AUTS2: variants seen among roughly 807,000 people sequenced by gnomAD.
The protein encoded by AUTS2 is activator of transcription and developmental regulator AUTS2.
AUTS2 carries 17 observed loss-of-function variants against 112.4 expected under a neutral mutation model. The observed-to-expected ratio is 0.15, with a 90% CI of 0.10 to 0.23. AUTS2 has a LOEUF of 0.23. Ranked by LOEUF, AUTS2 falls within the 10% of genes least tolerant of loss-of-function variation. The pLI, the probability that AUTS2 is intolerant of heterozygous loss-of-function variation, is 1.00. For synonymous variants in AUTS2, 751 were observed against 702.7 expected (o/e 1.07, Z -1.09); for missense variants, 1,510 against 1,701.6 (o/e 0.89, Z 1.98).
At chr7:70,369,236 T>C (rs1562915598) in intron 4 of AUTS2, among the ~76,000 whole-genome samples, 1 of 152,310 alleles carries the variant, frequency 6.6e-6, no homozygotes, top group East Asian at 1.9e-4. Flanking sequence ...TTCCCTTTTA[T>C]CAGTCATTCT....
chr7:69,857,044 G>A (rs1418470290), intron 1 of AUTS2, among the ~76,000 whole-genome samples: 1 of 152,194 alleles, frequency 6.6e-6, no homozygotes, highest in Non-Finnish European at 1.5e-5. Flanking sequence ...TGTTAAATCA[G>A]TATAATGAGA....
intron 1 of AUTS2, among the ~76,000 whole-genome samples, chr7:69,821,716 C>T (rs995657572): frequency 2.6e-5 from 4 of 151,916 alleles, no homozygotes; most frequent in East Asian, 3.9e-4. Flanking sequence ...AGAGCTGTAA[C>T]ATTCACCTTG....
chr7:69,834,614 C>T (rs937590520), intron 1 of AUTS2, among the ~76,000 whole-genome samples: 1 of 152,222 alleles, frequency 6.6e-6, no homozygotes, highest in Non-Finnish European at 1.5e-5. Flanking sequence ...TTCTCTGCCA[C>T]CACTGCAGAA....
At chr7:70,637,006 C>T (rs1805568620) in intron 5 of AUTS2, among the ~76,000 whole-genome samples, 1 of 152,160 alleles carries the variant, frequency 6.6e-6, no homozygotes, top group Non-Finnish European at 1.5e-5. Context: ...TTATCGAACA[C>T]CTGCCAGTTT....
intron 4 of AUTS2, among the ~76,000 whole-genome samples, chr7:70,377,325 A>AATAAATATATATAT (rs1793136400): frequency 9.6e-5 from 5 of 52,060 alleles, no homozygotes; most frequent in Admixed American, 2.5e-4. Context: ...AACAAATATA[A>AATAAATATATATAT]ATATATATAT....
rs144224299 is a variant in AUTS2, at chr7:69,869,078, T to C, written c.310-30208T>C. Among the ~76,000 whole-genome samples the C allele has an allele frequency of 7.2e-3, 1,093 of 152,328 alleles. 6 individuals carry two copies. The highest frequency in any genetic ancestry group is 0.012 in the Non-Finnish European group (839 of 68,014). ...ACCGTTGACCTGTGAGTTTGAAGTA[T>C]TGCACTGTTAATGTTTGGGCAGGAT... On this transcript the variant is annotated intron_variant, in intron 1 of 18. Transcript: ENST00000342771.
intron 4 of AUTS2, among the ~76,000 whole-genome samples, chr7:70,210,191 A>G (rs10248606): frequency 0.08 from 12,212 of 152,210 alleles, 634 homozygotes; most frequent in African/African-American, 0.13. Context: ...TCCTTCTTCT[A>G]CATGCAGATG....
At chr7:70,404,760 A>G (rs1794463950) in intron 4 of AUTS2, among the ~76,000 whole-genome samples, 2 of 152,224 alleles carry the variant, frequency 1.3e-5, no homozygotes, top group African/African-American at 4.8e-5. Context: ...ATATTGCTAC[A>G]GCAATATGGC....
At chr7:70,217,034 C>T (rs870919) in intron 4 of AUTS2, among the ~76,000 whole-genome samples, 33,329 of 151,948 alleles carry the variant, frequency 0.22, 3,624 homozygotes, top group Middle Eastern at 0.33. Flanking sequence ...TTCTGTGGGA[C>T]GTCTTACATA....
intron 5 of AUTS2, among the ~76,000 whole-genome samples, chr7:70,563,275 A>G: frequency 6.6e-6 from 1 of 152,192 alleles, no homozygotes; most frequent in African/African-American, 2.4e-5. Flanking sequence ...CTCTGAAAGT[A>G]TGAAAAATTA....
chr7:70,784,825 C>T (rs555372047), intron 15 of AUTS2, 117 bp from the exon 16 acceptor site: 25 of 773,208 alleles, frequency 3.2e-5, no homozygotes, highest in African/African-American at 7.0e-5. Context: ...GGGTGGACTT[C>T]AGCCATGACC....
At chr7:69,735,680 CA>C (rs1786998247) in intron 1 of AUTS2, among the ~76,000 whole-genome samples, 1 of 152,156 alleles carries the variant, frequency 6.6e-6, no homozygotes. Flanking sequence ...GAAGTGGCCA[CA>C]AACACAACTA....
intron 2 of AUTS2, among the ~76,000 whole-genome samples, chr7:70,102,840 C>CA (rs574518848): frequency 2.3e-4 from 34 of 150,384 alleles, no homozygotes; most frequent in African/African-American, 3.4e-4. Context: ...CTAATATGAC[C>CA]AAAAAAAACT....
At chr7:69,640,955 A>C (rs1023407797) in intron 1 of AUTS2, among the ~76,000 whole-genome samples, 1 of 152,210 alleles carries the variant, frequency 6.6e-6, no homozygotes, top group African/African-American at 2.4e-5. Flanking sequence ...TCTATGTCTC[A>C]TTACAGATAC....
chr7:70,595,372 T>A (rs1172331212), intron 5 of AUTS2, among the ~76,000 whole-genome samples: 1 of 152,196 alleles, frequency 6.6e-6, no homozygotes, highest in Non-Finnish European at 1.5e-5. Context: ...GGGGAGTTTC[T>A]GAACTATGTT....
chr7:70,668,017 C>G (rs188273883), intron 5 of AUTS2, among the ~76,000 whole-genome samples: 1 of 152,330 alleles, frequency 6.6e-6, no homozygotes, highest in Admixed American at 6.5e-5. Context: ...CTTTTTTCAC[C>G]TAGGCTGGAT....
chr7:70,166,395 A>G (rs938098834), intron 4 of AUTS2, among the ~76,000 whole-genome samples: 7 of 152,206 alleles, frequency 4.6e-5, no homozygotes, highest in African/African-American at 1.7e-4. Flanking sequence ...TAATAATTCT[A>G]TATTATGGGG....
intron 4 of AUTS2, among the ~76,000 whole-genome samples, chr7:70,170,842 G>A (rs539128601): frequency 2.0e-5 from 3 of 152,046 alleles, no homozygotes; most frequent in African/African-American, 7.2e-5. Flanking sequence ...TCCTGACCTC[G>A]TGATCCACCT....
chr7:70,609,688 A>C (rs186338793), intron 5 of AUTS2, among the ~76,000 whole-genome samples: 113 of 151,844 alleles, frequency 7.4e-4, no homozygotes, highest in African/African-American at 2.5e-3. Flanking sequence ...CTGCCTCCCA[A>C]AGTGCTGGGA....
Sources: allele counts gnomAD v4.1 joint callset (sites outside exome capture counted in the v4.1 genomes callset), GRCh38; gene constraint gnomAD v4.1.1; transcripts MANE v1.5; gene names NCBI Gene and HGNC (gene_info 2026-07-23, HGNC 2026-07-21).